ITGA9: variants seen among roughly 807,000 people sequenced by gnomAD.
ITGA9 encodes the protein integrin alpha-9.
ITGA9 carries 56 observed loss-of-function variants against 127.8 expected under a neutral mutation model. That is an observed-to-expected ratio of 0.44 (90% CI 0.35 to 0.55). The LOEUF is 0.55. Among genes scored for constraint, ITGA9 ranks in the 20% least tolerant of loss-of-function variants. The pLI is 0.00. For synonymous variants in ITGA9, 508 were observed against 514.5 expected (o/e 0.99, Z 0.17); for missense variants, 1,196 against 1,347.1 (o/e 0.89, Z 1.76).
chr3:37,490,911 A>G (rs1172425317), intron 4 of ITGA9, among the ~76,000 whole-genome samples: 1 of 150,854 alleles, frequency 6.6e-6, no homozygotes, highest in Non-Finnish European at 1.5e-5. Context: ...CAGCTCCTCT[A>G]AGTGACTTCT....
Position 37,821,644 on chromosome 3 carries a change from C to T in ITGA9, c.*2655C>T, listed in dbSNP as rs986378682. ...GGTGACAGTGTAGAAGGGTGATTCGCAGGCCCATGTTCTGCCCACCAGCAA... is the reference window on the plus strand; with the variant it reads ...GGTGACAGTGTAGAAGGGTGATTCGTAGGCCCATGTTCTGCCCACCAGCAA... On this transcript the variant is annotated 3_prime_UTR_variant, in exon 28 of 28. Coordinates refer to ENST00000264741, the MANE Select transcript of ITGA9 (RefSeq NM_002207.3). 5 of 152,004 alleles carry T rather than the reference C, an allele frequency of 3.3e-5. No homozygotes were observed. The highest frequency in any genetic ancestry group is 2.6e-4 in the Admixed American group (4 of 15,260). 9.4% of individuals were successfully genotyped at this position (152,004 alleles called of 1,614,324 possible). A position where few individuals can be genotyped will look rare whatever the true frequency, so the allele number is the denominator to read the frequency against.
chr3:37,457,150 C>G (rs1278744387), intron 1 of ITGA9, among the ~76,000 whole-genome samples: 1 of 152,210 alleles, frequency 6.6e-6, no homozygotes, highest in Non-Finnish European at 1.5e-5. Context: ...TTACATCTAA[C>G]TAAAAATTAT....
At chr3:37,660,420 C>T (rs116293417) in intron 17 of ITGA9, among the ~76,000 whole-genome samples, 3 of 152,294 alleles carry the variant, frequency 2.0e-5, no homozygotes, top group Non-Finnish European at 2.9e-5. Context: ...TTAGCAAAGT[C>T]CTAATGCTTT....
Position 37,653,758 on chromosome 3 carries a change from C to T in ITGA9, c.1884C>T (p.Asp628=). The T allele has an allele frequency of 6.2e-7, 1 of 1,613,914 alleles. No homozygotes were observed. Among genetic ancestry groups the T allele is most frequent in the Non-Finnish European group, 8.5e-7 (1 of 1,179,810 alleles). The change falls in exon 17 of 28, where the codon GAC becomes GAT. Residue 628 remains aspartate, a synonymous_variant. Transcript: ENST00000264741. ...RNCRSEDCAA[D]LQLQGKLLLS... is the part of the protein sequence containing the mutation. ...GCCGTTCAGAGGACTGTGCCGCAGA[C>T]CTGCAGCTTCAGGGTAAACTGCTGC...
chr3:37,562,438 CCTTTTAGATA>C (rs1291302033), intron 15 of ITGA9, among the ~76,000 whole-genome samples: 1 of 152,146 alleles, frequency 6.6e-6, no homozygotes, highest in Non-Finnish European at 1.5e-5. Flanking sequence ...CTTTAGTTGA[CCTTTTAGATA>C]CTTTTCTAAC....
At chr3:37,563,239 A>T (rs535416635) in intron 15 of ITGA9, among the ~76,000 whole-genome samples, 2 of 152,310 alleles carry the variant, frequency 1.3e-5, no homozygotes, top group Admixed American at 1.3e-4. Flanking sequence ...TTTGTTGGTT[A>T]TCATGGGTAG....
intron 5 of ITGA9, among the ~76,000 whole-genome samples, chr3:37,498,687 A>AGTG (rs1171788784): frequency 6.6e-6 from 1 of 152,148 alleles, no homozygotes; most frequent in Non-Finnish European, 1.5e-5. Flanking sequence ...GAGGGTGGGC[A>AGTG]GTGGTGAGTG....
chr3:37,787,621 T>C (rs982458662), intron 26 of ITGA9, among the ~76,000 whole-genome samples: 1 of 151,638 alleles, frequency 6.6e-6, no homozygotes, highest in African/African-American at 2.4e-5. Context: ...TTCTCAATTT[T>C]CCTGGCAGGA....
chr3:37,774,200 C>T lies in ITGA9; in HGVS notation c.2542-3192C>T, dbSNP rs144892264. Among the ~76,000 whole-genome samples, 80 of 152,312 alleles carry T rather than the reference C, an allele frequency of 5.3e-4. No homozygotes were observed. In the East Asian group the frequency reaches 6.6e-3, roughly 12 times the overall value. ...TGCTGCTCCCCACATCAACAGCTTA[C>T]GTATTGCTTTCTAAAATGGGCTTTC... is the stretch of plus-strand genomic sequence containing the variant. On this transcript the variant is annotated intron_variant, in intron 23 of 27. Coordinates refer to ENST00000264741, the MANE Select transcript of ITGA9 (RefSeq NM_002207.3).
intron 1 of ITGA9, among the ~76,000 whole-genome samples, chr3:37,460,812 A>G (rs910686643): frequency 1.3e-5 from 2 of 152,012 alleles, no homozygotes; most frequent in African/African-American, 4.8e-5. Context: ...AATAGTCTCG[A>G]TCTCCTGACC....
Position 37,473,443 on chromosome 3 carries a change from G to T in ITGA9, c.403G>T (p.Ala135Ser), listed in dbSNP as rs1217865508. 6.2e-7 allele frequency: 1 copy of T among 1,613,842 alleles called. No homozygotes were observed. Among genetic ancestry groups the T allele is most frequent in the South Asian group, 1.1e-5 (1 of 91,074 alleles). ...GGTGAGCCTGGCCCGACAGCCCAAG[G>T]CTGATGGCCGTGTGTTGGTAAGTCC... is the stretch of plus-strand genomic sequence containing the variant. ...MGVSLARQPKADGRVLACAHR... is the reference protein window; with the variant it reads ...MGVSLARQPKSDGRVLACAHR... The change falls in exon 3 of 28, where the codon GCT (alanine) becomes TCT (serine). Residue 135 changes from alanine (A) to serine (S), a missense_variant. Ala to Ser is a moderately conservative substitution (Grantham distance 99). Coordinates refer to ENST00000264741, the MANE Select transcript of ITGA9 (RefSeq NM_002207.3).
intron 15 of ITGA9, among the ~76,000 whole-genome samples, chr3:37,572,578 T>G (rs1283960278): frequency 6.6e-6 from 1 of 152,218 alleles, no homozygotes; most frequent in Non-Finnish European, 1.5e-5. Flanking sequence ...CTCATGCAGT[T>G]AGAATTGGAC....
At chr3:37,689,891 C>G (rs78422382) in intron 18 of ITGA9, among the ~76,000 whole-genome samples, 3,018 of 152,306 alleles carry the variant, frequency 0.02, 47 homozygotes, top group Middle Eastern at 0.051. Context: ...ACTGTTCCAG[C>G]CACAAGGAGA....
chr3:37,645,439 G>A (rs554619999), intron 16 of ITGA9, among the ~76,000 whole-genome samples: 1 of 152,234 alleles, frequency 6.6e-6, no homozygotes, highest in East Asian at 1.9e-4. Context: ...ATGGTGGTAC[G>A]TGCCTGTAAT....
intron 23 of ITGA9, among the ~76,000 whole-genome samples, chr3:37,775,661 G>C (rs1696898284): frequency 6.9e-6 from 1 of 144,778 alleles, no homozygotes; most frequent in Non-Finnish European, 1.5e-5. Flanking sequence ...AAAAAAAAAA[G>C]CAAAAGTCAA....
In ITGA9 at chr3:37,452,623, C is replaced by G; in HGVS notation, c.185+64C>G. 7.6e-7 allele frequency: 1 copy of G among 1,312,974 alleles called. No individual in the cohort carries two copies. The highest frequency in any genetic ancestry group is 1.0e-6 in the Non-Finnish European group (1 of 998,284). 81.3% of individuals were successfully genotyped at this position (1,312,974 alleles called of 1,614,324 possible). A position where few individuals can be genotyped will look rare whatever the true frequency, so the allele number is the denominator to read the frequency against. On this transcript the variant is annotated intron_variant, in intron 1 of 27. Transcript: ENST00000264741. The surrounding 1 kb of genome is among the most constrained non-coding windows in gnomAD (Gnocchi z 7.3). ...GCCACCGCCCCGGCCCCCAGGCCAG[C>G]GCCGCCGCCGCCTTTCCGGTCTCTT...
chr3:37,652,041 T>C (rs1006094580), intron 16 of ITGA9, among the ~76,000 whole-genome samples: 1 of 151,790 alleles, frequency 6.6e-6, no homozygotes, highest in Non-Finnish European at 1.5e-5. Context: ...AGGAAAGGCA[T>C]GTGTGATGAG....
At chr3:37,472,549 C>A (rs1258224049) in intron 2 of ITGA9, among the ~76,000 whole-genome samples, 9 of 151,946 alleles carry the variant, frequency 5.9e-5, no homozygotes, top group Admixed American at 5.9e-4. Context: ...CAGTGTATGA[C>A]CATCTTCGGC....
Position 37,542,435 on chromosome 3 carries a change from T to C in ITGA9, c.1539T>C (p.Tyr513=), listed in dbSNP as rs528754277. The C allele has an allele frequency of 1.2e-5, 19 of 1,613,602 alleles. No individual in the cohort carries two copies. In the African/African-American group the frequency reaches 2.3e-4, roughly 19 times the overall value. Residue 513 remains tyrosine, a synonymous_variant, in exon 15 of 28, where the codon TAT becomes TAC. Coordinates refer to ENST00000264741, the MANE Select transcript of ITGA9 (RefSeq NM_002207.3). ...KHVPGEIGLN[Y]VLMADVAKKE... is the part of the protein sequence containing the mutation. ...CTCATTTATTGGCAGGCCTGAATTA[T>C]GTTCTGATGGCTGACGTGGCCAAAA...
Sources: allele counts gnomAD v4.1 joint callset (sites outside exome capture counted in the v4.1 genomes callset), GRCh38; gene constraint gnomAD v4.1.1; non-coding constraint Gnocchi (gnomAD v3.1); transcripts MANE v1.5; gene names NCBI Gene and HGNC (gene_info 2026-07-23, HGNC 2026-07-21).